The following RABGAP1L variants were observed in gnomAD, a reference collection of about 807,000 sequenced individuals.
RABGAP1L encodes the protein RAB GTPase activating protein 1 like.
Under a neutral mutation model 137.7 loss-of-function variants are expected in RABGAP1L, and 63 were observed. The ratio of observed to expected loss-of-function variants is 0.46; its 90% confidence interval spans 0.37 to 0.56. The LOEUF (loss-of-function observed/expected upper bound fraction) is 0.56, where lower values mean the gene tolerates loss of function less well. Among genes scored for constraint, RABGAP1L ranks in the 20% least tolerant of loss-of-function variants. The pLI is 0.00. For missense variants in RABGAP1L, 1,095 were observed against 1,244.0 expected (o/e 0.88, Z 1.80); for synonymous variants, 431 against 433.7 (o/e 0.99, Z 0.08).
At chr1:174,982,756 T>C (rs1558305398) in intron 23 of RABGAP1L, 78 bp from the exon 24 acceptor site, 1 of 1,361,822 alleles carries the variant, frequency 7.3e-7, no homozygotes, top group Non-Finnish European at 1.0e-6. Flanking sequence ...GCATAACACA[T>C]GAATTGATAA....
At chr1:174,174,553 C>G (rs1226423033) in intron 1 of RABGAP1L, among the ~76,000 whole-genome samples, 1 of 152,106 alleles carries the variant, frequency 6.6e-6, no homozygotes, top group Non-Finnish European at 1.5e-5. Flanking sequence ...ATTTCAAGTC[C>G]AAAGGCCTGA....
At chr1:174,351,992 T>A (rs201400473) in intron 11 of RABGAP1L, among the ~76,000 whole-genome samples, 3 of 152,090 alleles carry the variant, frequency 2.0e-5, no homozygotes, top group Non-Finnish European at 2.9e-5. Flanking sequence ...GTATTTTTAG[T>A]AGAGACAGGG....
In RABGAP1L at chr1:174,438,959, G is replaced by A. The variant is rs192619878; in HGVS notation, c.1710+44814G>A. Among the ~76,000 whole-genome samples the A allele has an allele frequency of 3.1e-3, 461 of 151,100 alleles. No individual in the cohort carries two copies. The Middle Eastern group carries it at 0.031, about 10-fold the overall frequency. On this transcript the variant is annotated intron_variant, in intron 13 of 25. Coordinates refer to ENST00000681986, the MANE Select transcript of RABGAP1L (RefSeq NM_001366446.1). ...ATTTTTATATATTGACCTGTGTTCCGACAAAATTTATTCATTAATTCTAGT... is the reference window on the plus strand; with the variant it reads ...ATTTTTATATATTGACCTGTGTTCCAACAAAATTTATTCATTAATTCTAGT...
chr1:174,780,600 G>T (rs972468990), intron 18 of RABGAP1L, among the ~76,000 whole-genome samples: 1 of 151,874 alleles, frequency 6.6e-6, no homozygotes, highest in East Asian at 1.9e-4. Flanking sequence ...TTAAGTTCTA[G>T]GGTACATGTG....
chr1:174,809,411 C>G (rs561922648), intron 18 of RABGAP1L, among the ~76,000 whole-genome samples: 1 of 152,270 alleles, frequency 6.6e-6, no homozygotes, highest in South Asian at 2.1e-4. Context: ...CATGGCCATC[C>G]CTGCTTGACT....
intron 1 of RABGAP1L, among the ~76,000 whole-genome samples, chr1:174,190,896 CCT>C (rs1371248223): frequency 2.0e-5 from 3 of 152,044 alleles, no homozygotes; most frequent in Non-Finnish European, 4.4e-5. Flanking sequence ...TATTAATTGG[CCT>C]ATTTTCAATA....
intron 14 of RABGAP1L, among the ~76,000 whole-genome samples, chr1:174,640,710 T>A (rs779423015): frequency 2.0e-5 from 3 of 151,968 alleles, no homozygotes; most frequent in Non-Finnish European, 4.4e-5. Flanking sequence ...ATAAGGACAG[T>A]TTTGCTTTTC....
chr1:174,465,494 C>G (rs1274924007), intron 13 of RABGAP1L, among the ~76,000 whole-genome samples: 1 of 152,126 alleles, frequency 6.6e-6, no homozygotes, highest in Non-Finnish European at 1.5e-5. Context: ...GCCACCATGC[C>G]CGGCCTATTG....
intron 1 of RABGAP1L, among the ~76,000 whole-genome samples, chr1:174,169,382 A>G (rs964420330): frequency 1.3e-5 from 2 of 151,954 alleles, no homozygotes; most frequent in Non-Finnish European, 2.9e-5. Flanking sequence ...ACGTGCCATC[A>G]TGTCTGGTTA....
rs116092064 is a variant in RABGAP1L at position 174,417,053 on chromosome 1, G to A, written c.1710+22908G>A. ...TTCTAAAATAAGCAAGTAGTTGGAT[G>A]AATTAGGAAGGTTTTTGGCATTACT... On this transcript the variant is annotated intron_variant, in intron 13 of 25. Coordinates refer to ENST00000681986, the MANE Select transcript of RABGAP1L (RefSeq NM_001366446.1). Among the ~76,000 whole-genome samples, 440 of 152,220 alleles carry A rather than the reference G, an allele frequency of 2.9e-3. 4 individuals are homozygous for A. The highest frequency in any genetic ancestry group is 9.9e-3 in the African/African-American group (413 of 41,548).
At chr1:174,714,086 C>G (rs566827804) in intron 17 of RABGAP1L, among the ~76,000 whole-genome samples, 6 of 151,988 alleles carry the variant, frequency 3.9e-5, no homozygotes, top group Non-Finnish European at 5.9e-5. Context: ...TTTTCCTGCT[C>G]TTTGTAGTGG....
intron 13 of RABGAP1L, among the ~76,000 whole-genome samples, chr1:174,490,510 C>T (rs1660116746): frequency 6.6e-6 from 1 of 152,174 alleles, no homozygotes; most frequent in Admixed American, 6.5e-5. Flanking sequence ...ACTGGGATTG[C>T]ACTGGGTCAG....
chr1:174,610,677 T>G (rs553450178), intron 13 of RABGAP1L, among the ~76,000 whole-genome samples: 1 of 152,328 alleles, frequency 6.6e-6, no homozygotes, highest in East Asian at 1.9e-4. Flanking sequence ...ACCAACAGTG[T>G]AAAAGTATTC....
chr1:174,973,358 C>T (rs1670317457), intron 21 of RABGAP1L, among the ~76,000 whole-genome samples: 1 of 151,402 alleles, frequency 6.6e-6, no homozygotes, highest in Admixed American at 6.6e-5. Flanking sequence ...TGTTTTTCCC[C>T]CTTTTCTTTT....
chr1:174,463,786 A>T (rs959300231), intron 13 of RABGAP1L, among the ~76,000 whole-genome samples: 3 of 152,110 alleles, frequency 2.0e-5, no homozygotes, highest in Non-Finnish European at 4.4e-5. Flanking sequence ...CACACCAGTC[A>T]GAGTGGCTAT....
chr1:174,701,262 A>G (rs1679625523), intron 16 of RABGAP1L: 1 of 1,221,240 alleles, frequency 8.2e-7, no homozygotes, highest in Admixed American at 3.2e-5. Context: ...AAGATATCCA[A>G]TTTTATATAT....
chr1:174,625,761 A>T (rs1312036867), intron 13 of RABGAP1L, among the ~76,000 whole-genome samples: 2 of 152,230 alleles, frequency 1.3e-5, no homozygotes, highest in African/African-American at 2.4e-5. Context: ...CCATATATGG[A>T]TGCACACATG....
At chr1:174,365,615 C>T (rs1212935218) in intron 11 of RABGAP1L, among the ~76,000 whole-genome samples, 1 of 152,128 alleles carries the variant, frequency 6.6e-6, no homozygotes, top group African/African-American at 2.4e-5. Context: ...TGTGACAGGG[C>T]AGCAGTGAAT....
chr1:174,375,342 G>A (rs1158454465), intron 12 of RABGAP1L, among the ~76,000 whole-genome samples: 5 of 151,676 alleles, frequency 3.3e-5, no homozygotes, highest in Admixed American at 3.3e-4. Context: ...AAAACCCAAA[G>A]CAAGCAGAAG....
Sources: allele counts gnomAD v4.1 joint callset (sites outside exome capture counted in the v4.1 genomes callset), GRCh38; gene constraint gnomAD v4.1.1; transcripts MANE v1.5; gene names NCBI Gene and HGNC (gene_info 2026-07-23, HGNC 2026-07-21).